CSMD2: variants seen among roughly 807,000 people sequenced by gnomAD.
The protein encoded by CSMD2 is CUB and sushi domain-containing protein 2.
Under a neutral mutation model 398.5 loss-of-function variants are expected in CSMD2, and 130 were observed. The observed-to-expected ratio is 0.33, with a 90% CI of 0.28 to 0.38. The LOEUF (loss-of-function observed/expected upper bound fraction) is 0.38, where lower values mean the gene tolerates loss of function less well. CSMD2 is among the 10% of genes least tolerant of loss of function. The pLI is 1.00. For missense variants in CSMD2, 3,829 were observed against 4,764.9 expected (o/e 0.80, Z 5.78); for synonymous variants, 1,828 against 1,908.5 (o/e 0.96, Z 1.10).
chr1:33,787,328 AAC>A (rs1388711668), intron 12 of CSMD2, among the ~76,000 whole-genome samples: 5 of 152,198 alleles, frequency 3.3e-5, no homozygotes, highest in Admixed American at 2.0e-4. Context: ...CCAGTTTCGA[AAC>A]AGAGTACAGG....
intron 26 of CSMD2, among the ~76,000 whole-genome samples, chr1:33,660,547 T>C (rs1325250998): frequency 6.6e-6 from 1 of 152,180 alleles, no homozygotes; most frequent in South Asian, 2.1e-4. Flanking sequence ...TGAGCCGTTC[T>C]CTCTTCCCTA....
chr1:33,778,438 A>G lies in CSMD2; in HGVS notation c.1664-5687T>C, dbSNP rs539660767. Among the ~76,000 whole-genome samples the G allele has an allele frequency of 7.2e-5, 11 of 152,156 alleles. 1 individual carries two copies. The highest frequency in any genetic ancestry group is 3.4e-3 in the Middle Eastern group (1 of 294). The stretch of plus-strand genomic sequence containing the variant: ...TATAACAGCGAATAAAAGGATGAAA[A>G]TTTGTTCTTCTGGAGCTCTGGTTGG... On this transcript the variant is annotated intron_variant, in intron 12 of 70. Coordinates refer to ENST00000373381, the MANE Select transcript of CSMD2 (RefSeq NM_001281956.2).
chr1:33,531,745 C>T lies in CSMD2; in HGVS notation c.10171+1305G>A, dbSNP rs972257641. 5.9e-5 allele frequency among the ~76,000 whole-genome samples: 9 copies of T among 152,126 alleles called. No homozygotes were observed. In the East Asian group the frequency reaches 1.7e-3, roughly 29 times the overall value. On this transcript the variant is annotated intron_variant, in intron 64 of 70. Coordinates refer to ENST00000373381, the MANE Select transcript of CSMD2 (RefSeq NM_001281956.2). ...AACAAATATTGTATGATTCCACTAA[C>T]ATGAGGTACTTAGAATAGGCAAATT... is the stretch of plus-strand genomic sequence containing the variant.
intron 13 of CSMD2, among the ~76,000 whole-genome samples, chr1:33,748,467 A>G (rs1342235979): frequency 6.6e-6 from 1 of 152,128 alleles, no homozygotes. Context: ...AAGGTGGGAA[A>G]CTTATTAACA....
chr1:34,162,097 G>A (rs918941390), intron 1 of CSMD2, among the ~76,000 whole-genome samples: 3 of 151,204 alleles, frequency 2.0e-5, no homozygotes, highest in East Asian at 3.9e-4. Context: ...ACTTGAACCC[G>A]GGAGGCAGAG....
At chr1:33,715,814 A>C (rs1362956836) in intron 20 of CSMD2, among the ~76,000 whole-genome samples, 1 of 152,192 alleles carries the variant, frequency 6.6e-6, no homozygotes, top group Non-Finnish European at 1.5e-5. Context: ...CCAAATCCCT[A>C]AACAGAGAGA....
chr1:34,040,244 C>T (rs1162933021), intron 2 of CSMD2, among the ~76,000 whole-genome samples: 1 of 151,912 alleles, frequency 6.6e-6, no homozygotes, highest in Admixed American at 6.6e-5. Context: ...TGTGCTCTAC[C>T]CAATTGGGAT....
At chr1:33,981,170 C>A (rs1646151807) in intron 3 of CSMD2, among the ~76,000 whole-genome samples, 1 of 152,164 alleles carries the variant, frequency 6.6e-6, no homozygotes, top group Non-Finnish European at 1.5e-5. Flanking sequence ...CCAGATGCAG[C>A]CTCTGCTCTG....
rs765675203 is a variant in CSMD2, at chr1:33,624,693, C to A, written c.5501-50G>T. ...GAGGCTTTGTGGCCTCCCGTGGGAGCCTTCCCAAGCTGACTCCTCCCTCAT... is the reference window on the plus strand; with the variant it reads ...GAGGCTTTGTGGCCTCCCGTGGGAGACTTCCCAAGCTGACTCCTCCCTCAT... On this transcript the variant is annotated intron_variant, in intron 34 of 70. Transcript: ENST00000373381. The surrounding 1 kb of genome is among the most constrained non-coding windows in gnomAD (Gnocchi z 4.7). 3 of 1,582,528 alleles carry A rather than the reference C, an allele frequency of 1.9e-6. No individual in the cohort carries two copies. The highest frequency in any genetic ancestry group is 2.6e-6 in the Non-Finnish European group (3 of 1,159,700).
rs955929968 is a variant in CSMD2, at chr1:33,633,537, T to G, written c.5087-2A>C. On this transcript the variant is annotated splice_acceptor_variant, in intron 31 of 70. Transcript: ENST00000373381. LOFTEE classifies it high-confidence loss of function. This position sits in a 1 kb window ranked among gnomAD's most constrained non-coding sequence, Gnocchi z 5.0. ...AGAAGGCGAACTGGCCAAACACCACTGTGGAGGAGACACAGTGTGGGGACT... is the reference window on the plus strand; with the variant it reads ...AGAAGGCGAACTGGCCAAACACCACGGTGGAGGAGACACAGTGTGGGGACT... 6.4e-7 allele frequency: 1 copy of G among 1,550,656 alleles called. No homozygotes were observed. Among genetic ancestry groups the G allele is most frequent in the East Asian group, 2.4e-5 (1 of 40,966 alleles).
intron 51 of CSMD2, among the ~76,000 whole-genome samples, chr1:33,571,258 G>C (rs1570770968): frequency 6.6e-6 from 1 of 152,168 alleles, no homozygotes; most frequent in African/African-American, 2.4e-5. Context: ...TATAGTAAGA[G>C]CCTAAGAATA....
chr1:33,771,682 G>A (rs1019118803), intron 13 of CSMD2, among the ~76,000 whole-genome samples: 1 of 152,058 alleles, frequency 6.6e-6, no homozygotes. Flanking sequence ...AGGGATCACC[G>A]ATCTCTAGTG....
intron 3 of CSMD2, among the ~76,000 whole-genome samples, chr1:34,011,709 T>A (rs1647356077): frequency 6.6e-6 from 1 of 152,220 alleles, no homozygotes; most frequent in South Asian, 2.1e-4. Flanking sequence ...CAGGCATGTA[T>A]CCTTTGTGTT....
intron 5 of CSMD2, among the ~76,000 whole-genome samples, chr1:33,900,970 C>T (rs1570444314): frequency 6.6e-6 from 1 of 152,138 alleles, no homozygotes; most frequent in Non-Finnish European, 1.5e-5. Context: ...GAGAAATGAT[C>T]CTGGAGTGGC....
At chr1:33,863,583 A>C (rs1173235263) in intron 5 of CSMD2, 1 of 152,272 alleles carries the variant, frequency 6.6e-6, no homozygotes, top group Admixed American at 6.5e-5. Context: ...ATACCTGATT[A>C]CTTTTAGAGT....
At chr1:34,117,231 G>GA (rs1661693406) in intron 1 of CSMD2, among the ~76,000 whole-genome samples, 1 of 151,878 alleles carries the variant, frequency 6.6e-6, no homozygotes, top group Non-Finnish European at 1.5e-5. Context: ...GACTAGCTTA[G>GA]AAAAATAGAG....
intron 5 of CSMD2, among the ~76,000 whole-genome samples, chr1:33,903,334 CTT>C (rs71676114): frequency 2.8e-5 from 4 of 144,382 alleles, no homozygotes; most frequent in Non-Finnish European, 1.5e-5. Context: ...GACTGCTGAG[CTT>C]TTTTTTTTTT....
At chr1:33,564,648 C>T (rs538561700) in intron 53 of CSMD2, among the ~76,000 whole-genome samples, 4 of 152,282 alleles carry the variant, frequency 2.6e-5, no homozygotes, top group East Asian at 1.9e-4. Context: ...ATGGATCCTC[C>T]GACCTCAGCC....
intron 5 of CSMD2, among the ~76,000 whole-genome samples, chr1:33,909,281 C>T (rs72664001): frequency 6.6e-6 from 1 of 152,198 alleles, no homozygotes; most frequent in Non-Finnish European, 1.5e-5. Flanking sequence ...TGTGCAGCTC[C>T]CTCTGCCTGG....
Sources: allele counts gnomAD v4.1 joint callset (sites outside exome capture counted in the v4.1 genomes callset), GRCh38; gene constraint gnomAD v4.1.1; non-coding constraint Gnocchi (gnomAD v3.1); transcripts MANE v1.5; gene names NCBI Gene and HGNC (gene_info 2026-07-23, HGNC 2026-07-21).